Variants in CCDC171 observed in about 807,000 individuals in gnomAD.
The protein encoded by CCDC171 is coiled-coil domain-containing protein 171.
In CCDC171, 177 loss-of-function variants were observed where a neutral mutation model predicts 168.2. The ratio of observed to expected loss-of-function variants is 1.05; its 90% CI spans 0.93 to 1.19. CCDC171 has a LOEUF of 1.19. Among genes scored for constraint, CCDC171 ranks in the 50% most tolerant of loss-of-function variants. The pLI, the probability that CCDC171 is intolerant of heterozygous loss-of-function variation, is 0.00. For missense variants in CCDC171, 1,991 were observed against 1,539.0 expected (o/e 1.29, Z -4.91); for synonymous variants, 687 against 540.8 (o/e 1.27, Z -3.75).
rs1049055055 is a variant in CCDC171 at position 15,878,856 on chromosome 9, C to G, written c.3600+4193C>G. On this transcript the variant is annotated intron_variant, in intron 24 of 25. Transcript: ENST00000380701. ...ATGGATAAAGCTGGAGGCGATCATCCTCAGCAATCTAACACGGGAACAGAA... is the reference window on the plus strand; with the variant it reads ...ATGGATAAAGCTGGAGGCGATCATCGTCAGCAATCTAACACGGGAACAGAA... Among the ~76,000 whole-genome samples, 21 of 152,236 alleles carry G rather than the reference C, an allele frequency of 1.4e-4. No homozygotes were observed. The East Asian group carries it at 3.1e-3, about 22-fold the overall frequency.
chr9:15,674,879 C>G (rs143241445), intron 9 of CCDC171, among the ~76,000 whole-genome samples: 1,805 of 152,194 alleles, frequency 0.012, 32 homozygotes, highest in African/African-American at 0.041. Flanking sequence ...GTTAGGTCTG[C>G]TTGGTGCAGA....
the CCDC171 span, among the ~76,000 whole-genome samples, chr9:16,071,895 C>T: frequency 2.0e-5 from 3 of 151,950 alleles, no homozygotes; most frequent in African/African-American, 7.3e-5. Flanking sequence ...CCCCATAACC[C>T]CCAATTTAAC....
chr9:15,769,478 C>G (rs1050940916), intron 18 of CCDC171, among the ~76,000 whole-genome samples: 1 of 152,200 alleles, frequency 6.6e-6, no homozygotes, highest in African/African-American at 2.4e-5. Flanking sequence ...TATCTGCCAA[C>G]AGAATTTTGA....
intron 4 of CCDC171, among the ~76,000 whole-genome samples, chr9:15,582,364 C>T (rs973170286): frequency 5.9e-5 from 9 of 152,188 alleles, no homozygotes; most frequent in Non-Finnish European, 1.0e-4. Flanking sequence ...TTGTGGAAGA[C>T]AGTGTGGCGA....
intron 23 of CCDC171, among the ~76,000 whole-genome samples, chr9:15,867,392 T>C (rs2131096515): frequency 6.6e-6 from 1 of 152,220 alleles, no homozygotes; most frequent in African/African-American, 2.4e-5. Flanking sequence ...ATTTTAAAAG[T>C]TGAAACATGA....
chr9:15,639,425 T>C (rs2046430018), intron 7 of CCDC171, among the ~76,000 whole-genome samples: 1 of 152,158 alleles, frequency 6.6e-6, no homozygotes, highest in Non-Finnish European at 1.5e-5. Context: ...TAAATCAGTT[T>C]ATTATCATGT....
intron 1 of CCDC171, among the ~76,000 whole-genome samples, chr9:16,049,061 T>A (rs1833710810): frequency 6.6e-6 from 1 of 152,088 alleles, no homozygotes; most frequent in African/African-American, 2.4e-5. Flanking sequence ...CTAAAATCCC[T>A]AATGTCTACA....
chr9:15,558,222 G>A lies in CCDC171; in HGVS notation c.-112+4920G>A, dbSNP rs571420029. ...TCTTTTTTTGTTGTGTCTCTGCCAG[G>A]CTTTGGTATCAGGATGATGCTGGCC... On this transcript the variant is annotated intron_variant, in intron 1 of 25. Coordinates refer to ENST00000380701, the MANE Select transcript of CCDC171 (RefSeq NM_173550.4). 4.6e-5 allele frequency among the ~76,000 whole-genome samples: 7 copies of A among 152,238 alleles called. No homozygotes were observed. The East Asian group carries it at 5.8e-4, about 13-fold the overall frequency.
At chr9:15,651,251 G>T (rs1248483593) in intron 7 of CCDC171, among the ~76,000 whole-genome samples, 1 of 151,994 alleles carries the variant, frequency 6.6e-6, no homozygotes, top group Non-Finnish European at 1.5e-5. Flanking sequence ...TGGGATTACA[G>T]GTGCCCGCTA....
chr9:16,046,133 G>T (rs929003537), intron 1 of CCDC171, among the ~76,000 whole-genome samples: 6 of 152,180 alleles, frequency 3.9e-5, no homozygotes, highest in South Asian at 2.1e-4. Context: ...ATCTAATAAA[G>T]GGCATGGATT....
Position 15,818,071 on chromosome 9 carries a change from C to G in CCDC171, c.3268-28631C>G, listed in dbSNP as rs1024720410. Among the ~76,000 whole-genome samples, 3 of 117,658 alleles carry G rather than the reference C, an allele frequency of 2.5e-5. 1 individual carries two copies. Among genetic ancestry groups the G allele is most frequent in the African/African-American group, 9.6e-5 (3 of 31,288 alleles). The allele number at this position is 117,658 out of a possible 152,430, so 77.2% of individuals were successfully genotyped here. On this transcript the variant is annotated intron_variant, in intron 21 of 25. Coordinates refer to ENST00000380701, the MANE Select transcript of CCDC171 (RefSeq NM_173550.4). Reference sequence around the variant, plus strand: ...TGTTCTGCAGCCACCACTGCTGATACCCAGGCAAACAGGGTCTGGAGTGGA... The same window carrying G: ...TGTTCTGCAGCCACCACTGCTGATAGCCAGGCAAACAGGGTCTGGAGTGGA...
At chr9:16,080,536 G>A in the CCDC171 span, among the ~76,000 whole-genome samples, 2 of 152,114 alleles carry the variant, frequency 1.3e-5, no homozygotes, top group South Asian at 2.1e-4. Context: ...TAACCAAGAC[G>A]AGCACTATTA....
intron 1 of CCDC171, among the ~76,000 whole-genome samples, chr9:15,561,312 G>C (rs1388255944): frequency 2.0e-5 from 3 of 152,136 alleles, no homozygotes; most frequent in Non-Finnish European, 4.4e-5. Flanking sequence ...GTATCATATA[G>C]TTTGTTCACA....
chr9:15,587,329 C>A (rs577467462), intron 4 of CCDC171, among the ~76,000 whole-genome samples: 2 of 152,192 alleles, frequency 1.3e-5, no homozygotes, highest in East Asian at 3.9e-4. Context: ...GTGGGTCTTT[C>A]CCATGCTGTT....
At chr9:16,015,581 A>C (rs112424695) in intron 3 of CCDC171, among the ~76,000 whole-genome samples, 2,774 of 152,172 alleles carry the variant, frequency 0.018, 83 homozygotes, top group African/African-American at 0.062. Flanking sequence ...CTTCCTCCTC[A>C]CTGTACACTG....
intron 25 of CCDC171, among the ~76,000 whole-genome samples, chr9:15,938,480 T>C (rs1216761684): frequency 6.6e-6 from 1 of 151,844 alleles, no homozygotes; most frequent in Non-Finnish European, 1.5e-5. Flanking sequence ...ATATAAAGAC[T>C]CACAAATTCA....
chr9:15,608,874 CTTTTGCCTGGGAGG>C (rs1201607353), intron 6 of CCDC171, among the ~76,000 whole-genome samples: 3 of 123,778 alleles, frequency 2.4e-5, no homozygotes, highest in Non-Finnish European at 4.7e-5. Flanking sequence ...GAGAGGATTG[CTTTTGCCTGGGAGG>C]TCAAGGCTGC....
intron 10 of CCDC171, among the ~76,000 whole-genome samples, chr9:15,692,082 A>C (rs899534525): frequency 2.6e-5 from 4 of 152,226 alleles, no homozygotes; most frequent in Non-Finnish European, 5.9e-5. Flanking sequence ...TGCTATGGAA[A>C]AGTGATTTTT....
intron 18 of CCDC171, among the ~76,000 whole-genome samples, chr9:15,777,113 A>G (rs996411198): frequency 6.6e-6 from 1 of 152,224 alleles, no homozygotes; most frequent in Admixed American, 6.5e-5. Flanking sequence ...GCCATGTTGG[A>G]TATGCTGGGA....
Sources: allele counts gnomAD v4.1 joint callset (sites outside exome capture counted in the v4.1 genomes callset), GRCh38; gene constraint gnomAD v4.1.1; transcripts MANE v1.5; gene names NCBI Gene and HGNC (gene_info 2026-07-23, HGNC 2026-07-21).